Variants in ATP2A3 observed in about 807,000 individuals in gnomAD.
The protein encoded by ATP2A3 is sarcoplasmic/endoplasmic reticulum calcium ATPase 3.
ATP2A3 carries 61 observed loss-of-function variants against 106.8 expected under a neutral mutation model. That is an observed-to-expected ratio of 0.57 (90% CI 0.46 to 0.71). The LOEUF is 0.71. ATP2A3 is among the 30% of genes least tolerant of loss of function. The pLI is 0.00. For synonymous variants in ATP2A3, 611 were observed against 609.3 expected, an observed-to-expected ratio of 1.00 and a Z score of -0.04; for missense variants, 1,201 against 1,423.5, an observed-to-expected ratio of 0.84 and a Z score of 2.52.
chr17:3,936,752 ACACG>A lies in ATP2A3; in HGVS notation c.2322-287_2322-284del, dbSNP rs2053469033. ...CACACACACACACACACACACACAC[ACACG>A]CACACGAAGAGGGCATGCCCAAGAA... On this transcript the variant is annotated intron_variant, in intron 15 of 20. Coordinates refer to ENST00000397041, the MANE Select transcript of ATP2A3 (RefSeq NM_005173.4). This position sits in a 1 kb window ranked among gnomAD's most constrained non-coding sequence, Gnocchi z 5.4. The A allele has an allele frequency of 2.2e-6, 1 of 454,768 alleles. No individual in the cohort carries two copies. 28.2% of individuals were successfully genotyped at this position (454,768 alleles called of 1,614,324 possible). A position where few individuals can be genotyped will look rare whatever the true frequency, so the allele number is the denominator to read the frequency against.
chr17:3,950,366 G>A (rs1003642683), intron 7 of ATP2A3, 145 bp downstream of exon 7: 4 of 757,058 alleles, frequency 5.3e-6, no homozygotes, highest in Non-Finnish European at 8.9e-6. Context: ...GTTTCACCAT[G>A]TTGGCCAGGC....
At chr17:3,959,454 C>T (rs541899611) in intron 1 of ATP2A3, among the ~76,000 whole-genome samples, 1 of 152,312 alleles carries the variant, frequency 6.6e-6, no homozygotes, top group East Asian at 1.9e-4. Context: ...CTCCGTGGTG[C>T]AGGCCAGGGC....
intron 15 of ATP2A3, 108 bp downstream of exon 15, chr17:3,937,308 G>A: frequency 1.5e-6 from 2 of 1,309,866 alleles, no homozygotes; most frequent in African/African-American, 1.5e-5. Flanking sequence ...CCAGGGCAGG[G>A]CACAGGCCCC....
At chr17:3,937,313 G>A in intron 15 of ATP2A3, 103 bp downstream of exon 15, 1 of 1,337,652 alleles carries the variant, frequency 7.5e-7, no homozygotes, top group Non-Finnish European at 1.0e-6. Context: ...GCAGGGCACA[G>A]GCCCCTCCAT....
rs780419433 is a variant in ATP2A3, at chr17:3,951,569, A to G, written c.324+12T>C. The G allele has an allele frequency of 1.7e-5, 4 of 236,166 alleles. No homozygotes were observed. The highest frequency in any genetic ancestry group is 2.9e-5 in the Non-Finnish European group (4 of 140,112). The allele number at this position is 236,166 out of a possible 1,614,324, so 14.6% of individuals were successfully genotyped here. The stretch of plus-strand genomic sequence containing the variant: ...CCGCCCCCCGCCCGGTCCCACCCCC[A>G]GTGCCTCCCACCTGCCACACGCCCA... On this transcript the variant is annotated intron_variant, in intron 4 of 20. Transcript: ENST00000397041.
rs1768172528 is a variant in ATP2A3 at position 3,936,818 on chromosome 17, T to C, written c.2322-349A>G. Reference sequence around the variant, plus strand: ...CAAAAACCTAGCACATGCCACACCATCCGGCAAACACAAGCAAACACCTAC... The same window carrying C: ...CAAAAACCTAGCACATGCCACACCACCCGGCAAACACAAGCAAACACCTAC... On this transcript the variant is annotated intron_variant, in intron 15 of 20. Transcript: ENST00000397041. This position sits in a 1 kb window ranked among gnomAD's most constrained non-coding sequence, Gnocchi z 5.4. The C allele has an allele frequency of 2.7e-6, 1 of 375,866 alleles. No individual in the cohort carries two copies. The highest frequency in any genetic ancestry group is 2.1e-5 in the African/African-American group (1 of 47,992). The allele number at this position is 375,866 out of a possible 1,614,324, so 23.3% of individuals were successfully genotyped here.
chr17:3,957,647 T>C (rs572880836), intron 1 of ATP2A3, among the ~76,000 whole-genome samples: 1 of 152,246 alleles, frequency 6.6e-6, no homozygotes, highest in South Asian at 2.1e-4. Flanking sequence ...AGCCCCAGGG[T>C]GATGGAGGGA....
intron 20 of ATP2A3, chr17:3,927,016 C>T (rs1383433113): frequency 2.0e-6 from 2 of 985,486 alleles, no homozygotes; most frequent in Non-Finnish European, 2.4e-6. Context: ...CCGGGCCTCA[C>T]CCCTCTGCCC....
chr17:3,925,083 G>C lies in ATP2A3; in HGVS notation c.*339C>G. ...AAGCTCCAGCTGCACTCGTGATTTG[G>C]GGGTGGGGGGGCCCCGGATCTCTGG... On this transcript the variant is annotated 3_prime_UTR_variant, in exon 21 of 21. Coordinates refer to ENST00000397041, the MANE Select transcript of ATP2A3 (RefSeq NM_005173.4). The surrounding 1 kb of genome is among the most constrained non-coding windows in gnomAD (Gnocchi z 4.2). The C allele has an allele frequency of 1.9e-6, 1 of 518,640 alleles. No homozygotes were observed. The highest frequency in any genetic ancestry group is 3.5e-6 in the Non-Finnish European group (1 of 285,404). The allele number at this position is 518,640 out of a possible 1,614,324, so 32.1% of individuals were successfully genotyped here.
At position 3,930,387 on chromosome 17, in the gene ATP2A3, G is replaced by T. The variant is rs760360769; in HGVS notation, c.2658C>A (p.Ile886=). The T allele has an allele frequency of 1.2e-6, 2 of 1,613,964 alleles. No individual in the cohort carries two copies. The highest frequency in any genetic ancestry group is 1.7e-6 in the Non-Finnish European group (2 of 1,179,960). Residue 886 remains isoleucine (I), a synonymous_variant, in exon 18 of 21, where the codon ATC becomes ATA. Transcript: ENST00000397041. The surrounding 1 kb of genome is among the most constrained non-coding windows in gnomAD (Gnocchi z 5.4). ...AGCGTGACTCGAACACCTCACAGTC[G>T]ATGCCGGCAAAGAGCGGGTTGTCTT... ...CSEDNPLFAG[I]DCEVFESRFP...
At chr17:3,942,854 T>C in intron 11 of ATP2A3, 123 bp from the exon 12 acceptor site, 4 of 1,433,598 alleles carry the variant, frequency 2.8e-6, no homozygotes, top group South Asian at 1.2e-5. Flanking sequence ...TACACTCCTC[T>C]GACCCCACCA....
At chr17:3,958,759 C>CACACACATATATATACACATATATAT (rs1567726363) in intron 1 of ATP2A3, among the ~76,000 whole-genome samples, 1 of 95,876 alleles carries the variant, frequency 1.0e-5, no homozygotes, top group East Asian at 3.1e-4. Flanking sequence ...CATATATATA[C>CACACACATATATATACACATATATAT]ACACACATAT....
Position 3,936,359 on chromosome 17 carries a change from G to A in ATP2A3, c.2432C>T (p.Pro811Leu), listed in dbSNP as rs765464068. 10 of 1,614,028 alleles carry A rather than the reference G, an allele frequency of 6.2e-6. No homozygotes were observed. The highest frequency in any genetic ancestry group is 8.5e-6 in the Non-Finnish European group (10 of 1,180,032). Reference protein sequence around the residue: ...GLPATALGFNPPDLDIMEKLP... With the variant: ...GLPATALGFNLPDLDIMEKLP... The stretch of plus-strand genomic sequence containing the variant: ...CTTCTCCATGATGTCCAGGTCTGGC[G>A]GGTTGAAGCCCAGAGCCGTGGCAGG... Residue 811 changes from proline to leucine, a missense_variant, in exon 16 of 21, where the codon CCG becomes CTG. By Grantham distance (98) the Pro-to-Leu change is moderately conservative (BLOSUM62 -3). This residue lies in a region of ATP2A3 where 935 missense variants were observed against 1,176.7 expected (regional missense o/e 0.79). Transcript: ENST00000397041. The surrounding 1 kb of genome is among the most constrained non-coding windows in gnomAD (Gnocchi z 5.4).
Position 3,947,439 on chromosome 17 carries a change from G to A in ATP2A3, c.1047C>T (p.Cys349=). 1.2e-6 allele frequency: 2 copies of A among 1,613,890 alleles called. No individual in the cohort carries two copies. The highest frequency in any genetic ancestry group is 1.7e-6 in the Non-Finnish European group (2 of 1,180,038). The change falls in exon 8 of 21, where the codon TGC becomes TGT. Residue 349 remains cysteine, a synonymous_variant. Coordinates refer to ENST00000397041, the MANE Select transcript of ATP2A3 (RefSeq NM_005173.4). The surrounding 1 kb of genome is among the most constrained non-coding windows in gnomAD (Gnocchi z 7.7). ...VETLGCTSVI[C]SDKTGTLTTN... ...TGGTGAGCGTGCCCGTCTTGTCGGA[G>A]CAGATGACTGAGGTGCAGCCCAGGG...
In ATP2A3 at chr17:3,947,550, C is replaced by T. The variant is rs374049814; in HGVS notation, c.936G>A (p.Pro312=). The change falls in exon 8 of 21, where the codon CCG becomes CCA. Residue 312 remains proline, a synonymous_variant. Coordinates refer to ENST00000397041, the MANE Select transcript of ATP2A3 (RefSeq NM_005173.4). The surrounding 1 kb of genome is among the most constrained non-coding windows in gnomAD (Gnocchi z 7.7). ...GTGCCAGGCATGTAGTGATGACAGC[C>T]GGGAGGCCCTCGGGGATGGCCGCCA... is the stretch of plus-strand genomic sequence containing the variant. The part of the protein sequence containing the change: ...LAVAAIPEGL[P]AVITTCLALG... 19 of 1,613,002 alleles carry T rather than the reference C, an allele frequency of 1.2e-5. No homozygotes were observed. The Middle Eastern group carries it at 4.9e-4, about 42-fold the overall frequency.
rs532597621 is a variant in ATP2A3 at position 3,948,098 on chromosome 17, G to A, written c.631-243C>T. On this transcript the variant is annotated intron_variant, in intron 7 of 20. Transcript: ENST00000397041. ...TCGCCGTATCCCCAGTGCCTAGCAC[G>A]GGGCCGGGCACAGAGGAGGCACGGG... Among the ~76,000 whole-genome samples, 19 of 152,282 alleles carry A rather than the reference G, an allele frequency of 1.2e-4. No individual in the cohort carries two copies. The East Asian group carries it at 1.7e-3, about 14-fold the overall frequency.
chr17:3,935,632 G>A (rs2144360386), intron 16 of ATP2A3, among the ~76,000 whole-genome samples: 1 of 150,938 alleles, frequency 6.6e-6, no homozygotes, highest in South Asian at 2.1e-4. Context: ...CTGCCTCCTG[G>A]GTTCAAGCGA....
chr17:3,962,856 C>T (rs1459615602), intron 1 of ATP2A3, among the ~76,000 whole-genome samples: 1 of 152,184 alleles, frequency 6.6e-6, no homozygotes, highest in Non-Finnish European at 1.5e-5. Context: ...GCAGTGGGAC[C>T]GCAGACCTGC....
At position 3,964,337 on chromosome 17, in the gene ATP2A3, T is replaced by C. The variant is rs1287288542; in HGVS notation, c.-46A>G. 11 of 1,072,370 alleles carry C rather than the reference T, an allele frequency of 1.0e-5. No homozygotes were observed. The South Asian group carries it at 3.1e-4, about 31-fold the overall frequency. 66.4% of individuals were successfully genotyped at this position (1,072,370 alleles called of 1,614,324 possible). On this transcript the variant is annotated 5_prime_UTR_variant, in exon 1 of 21. Transcript: ENST00000397041. ...CGCCGTCCGCACCGTCGAGGCCGCC[T>C]CTCCGCCGGGGGGCTACAAAGCGGG...
Sources: gnomAD v4.1 joint callset for allele counts (sites outside exome capture counted in the v4.1 genomes callset) on GRCh38, gnomAD v4.1.1 for gene constraint, gnomAD v4.1.1 regional missense constraint, Gnocchi (gnomAD v3.1) non-coding constraint, MANE v1.5 for transcripts, NCBI Gene and HGNC (gene_info 2026-07-23, HGNC 2026-07-21) for gene names.